Variants in ENKUR observed in about 807,000 individuals in gnomAD.
ENKUR encodes the protein enkurin, TRPC channel interacting protein.
Under a neutral mutation model 27.6 loss-of-function variants are expected in ENKUR, and 19 were observed. The observed-to-expected ratio is 0.69, with a 90% CI of 0.48 to 1.01. ENKUR has a LOEUF of 1.01. Among genes scored for constraint, ENKUR ranks in the 50% least tolerant of loss-of-function variants. ENKUR has a pLI of 0.00. For synonymous variants in ENKUR, 117 were observed against 96.9 expected (o/e 1.21, Z -1.22); for missense variants, 312 against 310.5 (o/e 1.00, Z -0.04).
Position 24,999,627 on chromosome 10 carries a change from A to G in ENKUR, c.78-81T>C, listed in dbSNP as rs1028156640. ...AGTTTACTTAAAGTTTAAATCTTAC[A>G]TTTTTAATTTATTTAAGTCTATATT... is the stretch of plus-strand genomic sequence containing the variant. On this transcript the variant is annotated intron_variant, in intron 1 of 5. Transcript: ENST00000331161. 3.2e-6 allele frequency: 4 copies of G among 1,251,438 alleles called. No homozygotes were observed. In the African/African-American group the frequency reaches 4.6e-5, roughly 14 times the overall value. The allele number at this position is 1,251,438 out of a possible 1,614,324, so 77.5% of individuals were successfully genotyped here.
At chr10:25,012,859 G>A (rs1056312318) in intron 1 of ENKUR, among the ~76,000 whole-genome samples, 1 of 152,174 alleles carries the variant, frequency 6.6e-6, no homozygotes, top group African/African-American at 2.4e-5. Flanking sequence ...GTGAGGACAT[G>A]AGATCTGGGA....
chr10:25,023,424 G>A lies in ENKUR; in HGVS notation c.38-27555C>T, dbSNP rs1850765359. On this transcript the variant is annotated intron_variant, in intron 2 of 5. Coordinates refer to the ENKUR transcript ENST00000615958. ...TCCTGATGGGACCTCCTGGTGCTGGGAAAACAACAGTAGGCAGAATAATAG... is the reference window on the plus strand; with the variant it reads ...TCCTGATGGGACCTCCTGGTGCTGGAAAAACAACAGTAGGCAGAATAATAG... 2.5e-6 allele frequency: 4 copies of A among 1,614,116 alleles called. No homozygotes were observed. Among genetic ancestry groups the A allele is most frequent in the Non-Finnish European group, 3.4e-6 (4 of 1,180,006 alleles).
intron 2 of ENKUR, among the ~76,000 whole-genome samples, chr10:25,029,864 C>A (rs1850914451): frequency 6.6e-6 from 1 of 152,196 alleles, no homozygotes; most frequent in South Asian, 2.1e-4. Flanking sequence ...TCTGGCAATA[C>A]TTTGATCAGC....
chr10:25,029,656 T>G (rs1252276813), intron 2 of ENKUR, among the ~76,000 whole-genome samples: 2 of 152,176 alleles, frequency 1.3e-5, no homozygotes, highest in Non-Finnish European at 2.9e-5. Context: ...AAAAGTAGTT[T>G]GTGTAGGCCT....
rs1187072456 is a variant in ENKUR at position 25,023,802 on chromosome 10, TAAG to T, written c.38-27936_38-27934del. ...TACTTAAATTTAGAAGACAGTATTA[TAAG>T]AAGTGGTATGATGCTCGTGTTTTCT... On this transcript the variant is annotated intron_variant, in intron 2 of 5. Transcript: ENST00000615958. 8 of 1,614,100 alleles carry T rather than the reference TAAG, an allele frequency of 5.0e-6. No homozygotes were observed. The African/African-American group carries it at 5.3e-5, about 11-fold the overall frequency.
chr10:24,992,299 A>C (rs558336825), intron 3 of ENKUR, among the ~76,000 whole-genome samples: 1 of 152,282 alleles, frequency 6.6e-6, no homozygotes, highest in African/African-American at 2.4e-5. Context: ...ATAAAGAAGG[A>C]TAGTGGGGGA....
chr10:25,048,505 C>T (rs941922470), intron 2 of ENKUR, among the ~76,000 whole-genome samples: 2 of 151,842 alleles, frequency 1.3e-5, no homozygotes, highest in African/African-American at 4.8e-5. Context: ...AATGGGTTAG[C>T]GCATCAAGGT....
intron 1 of ENKUR, among the ~76,000 whole-genome samples, chr10:25,006,954 A>C (rs1850325211): frequency 6.6e-6 from 1 of 152,240 alleles, no homozygotes; most frequent in African/African-American, 2.4e-5. Flanking sequence ...AATAACTGGC[A>C]CGTTTTAAAT....
At chr10:24,990,982 C>A (rs1024809747) in intron 3 of ENKUR, among the ~76,000 whole-genome samples, 11 of 152,170 alleles carry the variant, frequency 7.2e-5, no homozygotes, top group African/African-American at 2.7e-4. Flanking sequence ...TGCCAGTAGT[C>A]CCAGCTATTC....
intron 1 of ENKUR, among the ~76,000 whole-genome samples, chr10:25,011,811 C>A (rs1850451782): frequency 6.6e-6 from 1 of 152,262 alleles, no homozygotes; most frequent in Non-Finnish European, 1.5e-5. Flanking sequence ...AAAAGAAAAA[C>A]CAATTTTCTG....
At chr10:25,020,278 A>ATCTATATCTATATCTG (rs1169344482), upstream of ENKUR, among the ~76,000 whole-genome samples, 1 of 148,846 alleles carries the variant, frequency 6.7e-6, no homozygotes, top group East Asian at 2.0e-4. Flanking sequence ...CTATATCTAT[A>ATCTATATCTATATCTG]TATATCTACC....
rs187398361 is a variant in ENKUR at position 24,982,364 on chromosome 10, G to A, written c.*2006C>T. On this transcript the variant is annotated 3_prime_UTR_variant, in exon 6 of 6. Transcript: ENST00000331161. ...CAGTACTATGGGAATGCCAGTTACAGTGGGTAGGGAAGAAGCAGCATTTCA... is the reference window on the plus strand; with the variant it reads ...CAGTACTATGGGAATGCCAGTTACAATGGGTAGGGAAGAAGCAGCATTTCA... 6.6e-6 allele frequency: 1 copy of A among 152,356 alleles called. No individual in the cohort carries two copies. Among genetic ancestry groups the A allele is most frequent in the Admixed American group, 6.5e-5 (1 of 15,294 alleles). The allele number at this position is 152,356 out of a possible 1,614,324, so 9.4% of individuals were successfully genotyped here. A position where few individuals can be genotyped will look rare whatever the true frequency, so the allele number is the denominator to read the frequency against.
At chr10:25,033,932 T>C (rs1211178768) in intron 2 of ENKUR, among the ~76,000 whole-genome samples, 3 of 152,138 alleles carry the variant, frequency 2.0e-5, no homozygotes, top group East Asian at 3.9e-4. Flanking sequence ...TCTCTATATA[T>C]ATGTATTAAA....
At chr10:25,036,551 C>T (rs1282785096) in intron 2 of ENKUR, among the ~76,000 whole-genome samples, 1 of 152,170 alleles carries the variant, frequency 6.6e-6, no homozygotes, top group Non-Finnish European at 1.5e-5. Context: ...ACTACTGCAC[C>T]ACAAGCACGG....
intron 2 of ENKUR, among the ~76,000 whole-genome samples, chr10:25,055,577 C>T (rs978962884): frequency 2.7e-5 from 4 of 148,006 alleles, no homozygotes; most frequent in African/African-American, 9.9e-5. Flanking sequence ...AGGGACTGCC[C>T]ATCAGATGAC....
chr10:25,049,939 C>G (rs567972412), intron 2 of ENKUR, among the ~76,000 whole-genome samples: 2 of 152,186 alleles, frequency 1.3e-5, no homozygotes, highest in South Asian at 4.2e-4. Flanking sequence ...TTAATTGGCT[C>G]ATGGTTCTGC....
intron 4 of ENKUR, 118 bp from the exon 5 acceptor site, chr10:24,985,023 T>C: frequency 1.2e-6 from 1 of 823,240 alleles, no homozygotes. Flanking sequence ...AAAAATAACT[T>C]CTAAAATGAA....
At chr10:25,018,476 A>G (rs1188999114), upstream of ENKUR, among the ~76,000 whole-genome samples, 2 of 152,204 alleles carry the variant, frequency 1.3e-5, no homozygotes, top group South Asian at 4.1e-4. Context: ...TGTAGCTCAA[A>G]AGCAGCCAAA....
chr10:25,061,593 T>C (rs2130504501), intron 1 of ENKUR, among the ~76,000 whole-genome samples: 1 of 152,372 alleles, frequency 6.6e-6, no homozygotes, highest in Non-Finnish European at 1.5e-5. Flanking sequence ...TTCCAAATGC[T>C]GGCTATGGCT....
Sources: gnomAD v4.1 joint callset for allele counts (sites outside exome capture counted in the v4.1 genomes callset) on GRCh38, gnomAD v4.1.1 for gene constraint, MANE v1.5 for transcripts, NCBI Gene and HGNC (gene_info 2026-07-23, HGNC 2026-07-21) for gene names.